The following FAAH variants were observed in gnomAD, a reference collection of about 807,000 sequenced individuals.
The protein encoded by FAAH is fatty-acid amide hydrolase 1.
Under a neutral mutation model 69.7 loss-of-function variants are expected in FAAH, and 63 were observed. That is an observed-to-expected ratio of 0.90 (90% confidence interval 0.74 to 1.12). FAAH has a LOEUF of 1.12. Among genes scored for constraint, FAAH ranks in the 50% most tolerant of loss-of-function variants. FAAH has a pLI of 0.00. For missense variants in FAAH, 680 were observed against 755.0 expected, an observed-to-expected ratio of 0.90 and a Z score of 1.16; for synonymous variants, 305 against 324.2, an observed-to-expected ratio of 0.94 and a Z score of 0.64.
At position 46,408,541 on chromosome 1, in the gene FAAH, C is replaced by A. The variant is rs772931153; in HGVS notation, c.1034C>A (p.Ala345Asp). 6.2e-7 allele frequency: 1 copy of A among 1,614,194 alleles called. No individual in the cohort carries two copies. Among genetic ancestry groups the A allele is most frequent in the Admixed American group, 1.7e-5 (1 of 60,024 alleles). ...YTMPSPAMRRAVLETKQSLEA... is the reference protein window; with the variant it reads ...YTMPSPAMRRDVLETKQSLEA... ...ATGCCCTCCCCGGCCATGAGGCGGG[C>A]CGTGCTGGAGACCAAACAGAGCCTT... is the stretch of plus-strand genomic sequence containing the variant. The change falls in exon 8 of 15, where the codon GCC (alanine) becomes GAC (aspartate). Residue 345 changes from alanine to aspartate, a missense_variant. Transcript: ENST00000243167.
At chr1:46,409,033 C>A in intron 8 of FAAH, 68 bp from the exon 9 acceptor site, 1 of 1,354,144 alleles carries the variant, frequency 7.4e-7, no homozygotes, top group Non-Finnish European at 1.1e-6. Context: ...TCAGGGCCGC[C>A]CAGACAGCAT....
rs78072734 is a variant in FAAH at position 46,413,467 on chromosome 1, G to A, written c.1632G>A (p.Gly544=). ...TATAGGGCATGAAGAAGAGTGTGGG[G>A]CTGCCGGTGGCCGTGCAGTGTGTGG... ...MLQKGMKKSV[G]LPVAVQCVAL... Residue 544 remains glycine, a synonymous_variant, in exon 15 of 15, where the codon GGG becomes GGA. Transcript: ENST00000243167. 2,784 of 1,614,052 alleles carry A rather than the reference G, an allele frequency of 1.7e-3. 31 individuals are homozygous for A. The East Asian group carries it at 0.021, about 12-fold the overall frequency.
rs974318660 is a variant in FAAH, at chr1:46,404,243, C to A, written c.310-771C>A. Among the ~76,000 whole-genome samples the A allele has an allele frequency of 6.6e-6, 1 of 152,182 alleles. No individual in the cohort carries two copies. Among genetic ancestry groups the A allele is most frequent in the Non-Finnish European group, 1.5e-5 (1 of 68,026 alleles). On this transcript the variant is annotated intron_variant, in intron 2 of 14. Transcript: ENST00000243167. The surrounding 1 kb of genome is among the most constrained non-coding windows in gnomAD (Gnocchi z 4.5). ...AGATTAGCCTTCTCTGTTCCTGCCTCGGGTACCCCGGGGACAGATTTTGCA... is the reference window on the plus strand; with the variant it reads ...AGATTAGCCTTCTCTGTTCCTGCCTAGGGTACCCCGGGGACAGATTTTGCA...
chr1:46,412,981 CACA>C, intron 13 of FAAH, 91 bp from the exon 14 acceptor site: 1 of 1,456,160 alleles, frequency 6.9e-7, no homozygotes, highest in Non-Finnish European at 9.5e-7. Context: ...TGGCTGTAGA[CACA>C]GGGTGCCATT....
At position 46,411,659 on chromosome 1, in the gene FAAH, C is replaced by A; in HGVS notation, c.1356+8C>A. The stretch of plus-strand genomic sequence containing the variant: ...CTGCAGCACGAGATCGAGGTGAGGC[C>A]AGAGCCTCTGGATTGGAGCAGGGTG... On this transcript the variant is annotated splice_region_variant and intron_variant, in intron 12 of 14. Coordinates refer to ENST00000243167, the MANE Select transcript of FAAH (RefSeq NM_001441.3). This position sits in a 1 kb window ranked among gnomAD's most constrained non-coding sequence, Gnocchi z 4.8. 6.2e-7 allele frequency: 1 copy of A among 1,613,730 alleles called. No homozygotes were observed. Among genetic ancestry groups the A allele is most frequent in the Non-Finnish European group, 8.5e-7 (1 of 1,179,814 alleles).
chr1:46,396,827 C>T (rs1005790487), intron 1 of FAAH, among the ~76,000 whole-genome samples: 2 of 152,174 alleles, frequency 1.3e-5, no homozygotes, highest in Non-Finnish European at 2.9e-5. Flanking sequence ...ACAGTCTGAT[C>T]TCTCTTTTCC....
Position 46,402,113 on chromosome 1 carries a change from C to T in FAAH, c.218C>T (p.Ala73Val), listed in dbSNP as rs1321124174. 3.1e-6 allele frequency: 5 copies of T among 1,609,044 alleles called. No homozygotes were observed. Among genetic ancestry groups the T allele is most frequent in the Admixed American group, 1.7e-5 (1 of 59,480 alleles). Reference sequence around the variant, plus strand: ...CAGAACCCAGACCTGGACTCAGAGGCGCTGCTAGCCCTGCCCCTGCCTCAG... The same window carrying T: ...CAGAACCCAGACCTGGACTCAGAGGTGCTGCTAGCCCTGCCCCTGCCTCAG... ...RLQNPDLDSEALLALPLPQLV... is the reference protein window; with the variant it reads ...RLQNPDLDSEVLLALPLPQLV... The change falls in exon 2 of 15, where the codon GCG (alanine) becomes GTG (valine). Residue 73 changes from alanine to valine, a missense_variant. Ala to Val is a moderately conservative substitution (Grantham distance 64). Transcript: ENST00000243167.
In FAAH at chr1:46,410,714, G is replaced by A; in HGVS notation, c.1276-100G>A. 2 of 1,458,106 alleles carry A rather than the reference G, an allele frequency of 1.4e-6. No individual in the cohort carries two copies. Among genetic ancestry groups the A allele is most frequent in the Non-Finnish European group, 9.6e-7 (1 of 1,037,910 alleles). The allele number at this position is 1,458,106 out of a possible 1,614,324, so 90.3% of individuals were successfully genotyped here. On this transcript the variant is annotated intron_variant, in intron 10 of 14. Transcript: ENST00000243167. This position sits in a 1 kb window ranked among gnomAD's most constrained non-coding sequence, Gnocchi z 4.9. ...GGGGTGCCGACCTGGGCCCTGGGGG[G>A]AGGCATGGAGGGAGGGGTCCCCAGT... is the stretch of plus-strand genomic sequence containing the variant.
chr1:46,405,243 T>A lies in FAAH; in HGVS notation c.444+95T>A. On this transcript the variant is annotated intron_variant, in intron 3 of 14. Transcript: ENST00000243167. This position sits in a 1 kb window ranked among gnomAD's most constrained non-coding sequence, Gnocchi z 4.1. ...TCATTTTGGGCCCTTAGAGGAGGTATCAGGTCCAGAGGCCTTCCGAGGGGA... is the reference window on the plus strand; with the variant it reads ...TCATTTTGGGCCCTTAGAGGAGGTAACAGGTCCAGAGGCCTTCCGAGGGGA... 1 of 1,611,392 alleles carries A rather than the reference T, an allele frequency of 6.2e-7. No homozygotes were observed. The highest frequency in any genetic ancestry group is 8.5e-7 in the Non-Finnish European group (1 of 1,179,564).
rs775192320 is a variant in FAAH, at chr1:46,410,357, G to A, written c.1176-41G>A. On this transcript the variant is annotated intron_variant, in intron 9 of 14. Transcript: ENST00000243167. The surrounding 1 kb of genome is among the most constrained non-coding windows in gnomAD (Gnocchi z 4.9). ...GCCGGGCGAGCAAGCTGGGAAGGAT[G>A]TGGGGATGGGAGTGCCTGGACCGAG... The A allele has an allele frequency of 1.3e-6, 2 of 1,532,598 alleles. No individual in the cohort carries two copies. Among genetic ancestry groups the A allele is most frequent in the Admixed American group, 3.3e-5 (2 of 59,926 alleles). 94.9% of individuals were successfully genotyped at this position (1,532,598 alleles called of 1,614,324 possible).
At chr1:46,400,729 C>T (rs891730285) in intron 1 of FAAH, among the ~76,000 whole-genome samples, 10 of 125,874 alleles carry the variant, frequency 7.9e-5, no homozygotes, top group South Asian at 5.8e-4. Flanking sequence ...TCCATTGCCT[C>T]GGGCTGGGTA....
In FAAH at chr1:46,410,468, G is replaced by A; in HGVS notation, c.1246G>A (p.Gly416Arg). 1 of 1,614,156 alleles carries A rather than the reference G, an allele frequency of 6.2e-7. No individual in the cohort carries two copies. The highest frequency in any genetic ancestry group is 1.1e-5 in the South Asian group (1 of 91,088). The change falls in exon 10 of 15, where the codon GGA (glycine) becomes AGA (arginine). Residue 416 changes from glycine to arginine, a missense_variant. Transcript: ENST00000243167. The surrounding 1 kb of genome is among the most constrained non-coding windows in gnomAD (Gnocchi z 4.9). ...TCTGAAGCTTCCCCAATGGCTTAAA[G>A]GACTGCTGGCCTTCCTGGTGAAGCC... ...SILKLPQWLK[G>R]LLAFLVKPLL...
rs757290580 is a variant in FAAH at position 46,410,917 on chromosome 1, G to A, written c.1316+63G>A. 1.2e-6 allele frequency: 2 copies of A among 1,601,154 alleles called. No homozygotes were observed. Among genetic ancestry groups the A allele is most frequent in the South Asian group, 1.1e-5 (1 of 90,762 alleles). ...TGTCCTGATCCGAGTCTGGGTCTGGGTAGTTTCTGACAGGAAAGGACTTGA... is the reference window on the plus strand; with the variant it reads ...TGTCCTGATCCGAGTCTGGGTCTGGATAGTTTCTGACAGGAAAGGACTTGA... On this transcript the variant is annotated intron_variant, in intron 11 of 14. Transcript: ENST00000243167. This position sits in a 1 kb window ranked among gnomAD's most constrained non-coding sequence, Gnocchi z 4.9.
Position 46,411,546 on chromosome 1 carries a change from G to A in FAAH, c.1317-66G>A, listed in dbSNP as rs1285640272. 2 of 1,556,564 alleles carry A rather than the reference G, an allele frequency of 1.3e-6. No individual in the cohort carries two copies. Among genetic ancestry groups the A allele is most frequent in the African/African-American group, 1.4e-5 (1 of 73,722 alleles). ...TGAGATCTAGAGGGTTGGCAGTAGG[G>A]GTCTGATGTTGCTGATCTCCGTGGC... On this transcript the variant is annotated intron_variant, in intron 11 of 14. Transcript: ENST00000243167. This position sits in a 1 kb window ranked among gnomAD's most constrained non-coding sequence, Gnocchi z 4.8.
At chr1:46,408,697 C>T (rs764416731) in intron 8 of FAAH, 113 bp downstream of exon 8, 214 of 1,537,692 alleles carry the variant, frequency 1.4e-4, no homozygotes, top group Non-Finnish European at 1.8e-4. Flanking sequence ...ATGTTGTCGT[C>T]GGGGTGAACT....
rs991418659 is a variant in FAAH, at chr1:46,404,143, A to G, written c.310-871A>G. 2.6e-5 allele frequency among the ~76,000 whole-genome samples: 4 copies of G among 152,216 alleles called. No individual in the cohort carries two copies. Among genetic ancestry groups the G allele is most frequent in the African/African-American group, 9.6e-5 (4 of 41,454 alleles). On this transcript the variant is annotated intron_variant, in intron 2 of 14. Coordinates refer to ENST00000243167, the MANE Select transcript of FAAH (RefSeq NM_001441.3). The surrounding 1 kb of genome is among the most constrained non-coding windows in gnomAD (Gnocchi z 4.5). ...GAGGGGGCACGTACATAGTCTCAGC[A>G]GATGGTCTTGCTTCTTCCCTGTCAA...
intron 7 of FAAH, among the ~76,000 whole-genome samples, chr1:46,408,082 A>G (rs1664833170): frequency 6.6e-6 from 1 of 152,170 alleles, no homozygotes. Flanking sequence ...CCTGTCTGGA[A>G]GTCTGGAACA....
chr1:46,397,998 A>G (rs1423570229), intron 1 of FAAH, among the ~76,000 whole-genome samples: 1 of 145,346 alleles, frequency 6.9e-6, no homozygotes, highest in Non-Finnish European at 1.5e-5. Context: ...CACTGGTGCA[A>G]TCTCGGCTCA....
At chr1:46,396,507 C>A (rs554005643) in intron 1 of FAAH, among the ~76,000 whole-genome samples, 7 of 152,302 alleles carry the variant, frequency 4.6e-5, no homozygotes, top group African/African-American at 1.7e-4. Flanking sequence ...TGGGGAGAAA[C>A]CTTGGAGAAT....
Sources: allele counts gnomAD v4.1 joint callset (sites outside exome capture counted in the v4.1 genomes callset), GRCh38; gene constraint gnomAD v4.1.1; non-coding constraint Gnocchi (gnomAD v3.1); transcripts MANE v1.5; gene names NCBI Gene and HGNC (gene_info 2026-07-23, HGNC 2026-07-21).